LINGO2: variants seen among roughly 807,000 people sequenced by gnomAD.
LINGO2 encodes the protein leucine-rich repeat and immunoglobulin-like domain-containing nogo receptor-interacting protein 2.
In LINGO2, 14 loss-of-function variants were observed where a neutral mutation model predicts 30.6. The observed-to-expected ratio is 0.46, with a 90% CI of 0.30 to 0.72. The LOEUF is 0.72. Ranked by LOEUF, LINGO2 falls within the 30% of genes least tolerant of loss-of-function variation. LINGO2 has a pLI of 0.07. For synonymous variants in LINGO2, 317 were observed against 288.5 expected (o/e 1.10, Z -1.00); for missense variants, 729 against 751.7 (o/e 0.97, Z 0.35).
At chr9:28,680,267 C>T in the LINGO2 span, among the ~76,000 whole-genome samples, 1 of 152,150 alleles carries the variant, frequency 6.6e-6, no homozygotes, top group South Asian at 2.1e-4. Context: ...CCCTCAGGCT[C>T]ATCAATGCTG....
chr9:28,898,504 G>C, the LINGO2 span, among the ~76,000 whole-genome samples: 1 of 152,120 alleles, frequency 6.6e-6, no homozygotes, highest in Non-Finnish European at 1.5e-5. Flanking sequence ...GGTCTGTATC[G>C]AGGTTTTCCG....
At chr9:28,877,466 A>C in the LINGO2 span, among the ~76,000 whole-genome samples, 1 of 152,166 alleles carries the variant, frequency 6.6e-6, no homozygotes, top group Non-Finnish European at 1.5e-5. Flanking sequence ...AGCTTTCTAC[A>C]TATGGCTAGC....
intron 5 of LINGO2, among the ~76,000 whole-genome samples, chr9:27,962,232 G>A (rs140938469): frequency 3.3e-5 from 5 of 152,170 alleles, no homozygotes; most frequent in African/African-American, 7.2e-5. Context: ...GGAGAGTACT[G>A]TCTTATTTGG....
intron 5 of LINGO2, among the ~76,000 whole-genome samples, chr9:27,977,551 G>A (rs1020677612): frequency 2.0e-5 from 3 of 151,946 alleles, no homozygotes; most frequent in African/African-American, 7.2e-5. Context: ...TAACATTCTA[G>A]GGAGAGCTCT....
chr9:28,242,610 G>A (rs1026503608), intron 4 of LINGO2, among the ~76,000 whole-genome samples: 64 of 152,144 alleles, frequency 4.2e-4, no homozygotes, highest in African/African-American at 1.3e-3. Context: ...TTCAAATTCG[G>A]GAAATACAGA....
chr9:27,947,437 T>C (rs1260565060), downstream of LINGO2, among the ~76,000 whole-genome samples: 1 of 152,204 alleles, frequency 6.6e-6, no homozygotes, highest in Admixed American at 6.5e-5. Flanking sequence ...CCTTGCTTTT[T>C]CCTCAGTGGA....
At chr9:28,177,062 G>T (rs538376756) in intron 4 of LINGO2, among the ~76,000 whole-genome samples, 1 of 152,284 alleles carries the variant, frequency 6.6e-6, no homozygotes, top group Non-Finnish European at 1.5e-5. Context: ...TGAAAATTTA[G>T]GGAGTGTATA....
At chr9:29,100,636 A>T in the LINGO2 span, among the ~76,000 whole-genome samples, 3 of 152,020 alleles carry the variant, frequency 2.0e-5, no homozygotes, top group African/African-American at 2.4e-5. Context: ...AGAATAAATG[A>T]GATCTAGTAT....
rs1053555548 is a variant in LINGO2, at chr9:28,329,436, T to A, written c.-245-34070A>T. On this transcript the variant is annotated intron_variant, in intron 3 of 5. Transcript: ENST00000379992. This position sits in a 1 kb window ranked among gnomAD's most constrained non-coding sequence, Gnocchi z 4.5. ...AATAAGGTAGGGGCACACACCACGCTGTCTCTTCGGCCAAGTCATTATTTC... is the reference window on the plus strand; with the variant it reads ...AATAAGGTAGGGGCACACACCACGCAGTCTCTTCGGCCAAGTCATTATTTC... Among the ~76,000 whole-genome samples the A allele has an allele frequency of 6.6e-6, 1 of 152,166 alleles. No individual in the cohort carries two copies. Among genetic ancestry groups the A allele is most frequent in the African/African-American group, 2.4e-5 (1 of 41,450 alleles).
the LINGO2 span, among the ~76,000 whole-genome samples, chr9:28,952,639 C>T: frequency 6.6e-6 from 1 of 152,092 alleles, no homozygotes; most frequent in Non-Finnish European, 1.5e-5. Context: ...GAGAAAACCA[C>T]ACTGGCCTTT....
intron 2 of LINGO2, among the ~76,000 whole-genome samples, chr9:28,404,909 T>TGC (rs1822433388): frequency 2.5e-5 from 3 of 122,210 alleles, no homozygotes; most frequent in Middle Eastern, 4.2e-3. Flanking sequence ...TTTGTGTGTG[T>TGC]GTGTGTGTGT....
chr9:29,059,185 T>C, the LINGO2 span, among the ~76,000 whole-genome samples: 4 of 151,920 alleles, frequency 2.6e-5, no homozygotes, highest in African/African-American at 7.2e-5. Context: ...GAGAACTCCA[T>C]ATTTGATATC....
chr9:27,939,535 A>G, the LINGO2 span: 2 of 152,198 alleles, frequency 1.3e-5, no homozygotes, highest in Non-Finnish European at 2.9e-5. Context: ...TGCATTACAC[A>G]TTTGTTCTGT....
intron 4 of LINGO2, among the ~76,000 whole-genome samples, chr9:28,066,410 G>C (rs1214524819): frequency 6.6e-6 from 1 of 152,198 alleles, no homozygotes; most frequent in African/African-American, 2.4e-5. Flanking sequence ...AGAAATCACA[G>C]AATGAGACCA....
intron 5 of LINGO2, among the ~76,000 whole-genome samples, chr9:27,951,941 A>G (rs940086369): frequency 6.6e-6 from 1 of 152,128 alleles, no homozygotes; most frequent in Non-Finnish European, 1.5e-5. Flanking sequence ...ATCAAACTTA[A>G]TGGTGAATCA....
At chr9:28,833,049 T>C in the LINGO2 span, among the ~76,000 whole-genome samples, 3 of 152,134 alleles carry the variant, frequency 2.0e-5, no homozygotes, top group Admixed American at 1.3e-4. Flanking sequence ...ATTGGAAGCA[T>C]AGAATCTTAT....
chr9:28,456,247 T>C (rs1214721728), intron 2 of LINGO2, among the ~76,000 whole-genome samples: 1 of 152,172 alleles, frequency 6.6e-6, no homozygotes, highest in African/African-American at 2.4e-5. Flanking sequence ...TGCTGGTTAG[T>C]ACTAAGACCA....
At chr9:28,597,929 T>C (rs1240530189) in intron 1 of LINGO2, among the ~76,000 whole-genome samples, 1 of 151,986 alleles carries the variant, frequency 6.6e-6, no homozygotes, top group East Asian at 1.9e-4. Context: ...CATGCCCAGC[T>C]AATTTTTGTA....
At chr9:28,982,058 T>C in the LINGO2 span, among the ~76,000 whole-genome samples, 1 of 152,152 alleles carries the variant, frequency 6.6e-6, no homozygotes. Flanking sequence ...ATATGGTTTA[T>C]GAGTGTGTTT....
Sources: allele counts gnomAD v4.1 joint callset (sites outside exome capture counted in the v4.1 genomes callset), GRCh38; gene constraint gnomAD v4.1.1; non-coding constraint Gnocchi (gnomAD v3.1); transcripts MANE v1.5; gene names NCBI Gene and HGNC (gene_info 2026-07-23, HGNC 2026-07-21).